Variants in FRMD4A observed in about 807,000 individuals in gnomAD.
The protein encoded by FRMD4A is FERM domain-containing protein 4A.
In FRMD4A, 29 loss-of-function variants were observed where a neutral mutation model predicts 129.1. The ratio of observed to expected loss-of-function variants is 0.22; its 90% confidence interval spans 0.17 to 0.31. FRMD4A has a LOEUF of 0.31. Among genes scored for constraint, FRMD4A ranks in the 10% least tolerant of loss-of-function variants. The pLI, the probability that FRMD4A is intolerant of heterozygous loss-of-function variation, is 1.00. For synonymous variants in FRMD4A, 634 were observed against 571.6 expected (o/e 1.11, Z -1.56); for missense variants, 1,272 against 1,375.8 (o/e 0.92, Z 1.19).
chr10:14,012,404 A>C (rs915583769), intron 2 of FRMD4A, among the ~76,000 whole-genome samples: 8 of 152,230 alleles, frequency 5.3e-5, no homozygotes, highest in African/African-American at 1.9e-4. Flanking sequence ...CCATTGAGCC[A>C]GGTTTCAGGA....
chr10:14,129,276 T>G (rs115366357), intron 2 of FRMD4A, among the ~76,000 whole-genome samples: 1,954 of 150,486 alleles, frequency 0.013, 57 homozygotes, highest in African/African-American at 0.046. Context: ...ACATTTTTTT[T>G]CTTTATTCAT....
At chr10:14,295,964 T>G (rs183108330) in intron 2 of FRMD4A, among the ~76,000 whole-genome samples, 3 of 152,308 alleles carry the variant, frequency 2.0e-5, no homozygotes, top group Non-Finnish European at 2.9e-5. Flanking sequence ...GTTATGACTC[T>G]CTTTGCCTAG....
At chr10:13,845,531 A>G (rs917866400) in intron 3 of FRMD4A, among the ~76,000 whole-genome samples, 6 of 152,218 alleles carry the variant, frequency 3.9e-5, no homozygotes, top group Non-Finnish European at 8.8e-5. Flanking sequence ...TGCTTTCCTC[A>G]AAAGCCAAGG....
At chr10:14,221,926 G>T (rs1363856515) in intron 2 of FRMD4A, among the ~76,000 whole-genome samples, 2 of 152,120 alleles carry the variant, frequency 1.3e-5, no homozygotes, top group African/African-American at 4.8e-5. Context: ...TGAGGCCCCA[G>T]TTTGTTTTTC....
intron 2 of FRMD4A, among the ~76,000 whole-genome samples, chr10:14,250,117 C>T (rs1005798542): frequency 6.6e-5 from 10 of 152,080 alleles, no homozygotes; most frequent in East Asian, 3.9e-4. Context: ...CGTGCTACCA[C>T]GCCTGGCTAA....
At chr10:13,684,543 C>G in intron 15 of FRMD4A, 1 of 985,536 alleles carries the variant, frequency 1.0e-6, no homozygotes, top group Non-Finnish European at 1.2e-6. Flanking sequence ...TCCCGGCCGG[C>G]AGACACATGG....
intron 2 of FRMD4A, among the ~76,000 whole-genome samples, chr10:14,156,114 A>T (rs1840584110): frequency 6.6e-6 from 1 of 152,144 alleles, no homozygotes; most frequent in Non-Finnish European, 1.5e-5. Flanking sequence ...TGTAATGGTT[A>T]AAAAAATGGG....
intron 2 of FRMD4A, among the ~76,000 whole-genome samples, chr10:14,058,562 C>T (rs1032256830): frequency 5.0e-4 from 76 of 152,104 alleles, no homozygotes; most frequent in African/African-American, 1.6e-3. Flanking sequence ...GACCACATTT[C>T]GTAAGAAGGA....
At chr10:13,811,061 A>G (rs1204186797) in intron 3 of FRMD4A, among the ~76,000 whole-genome samples, 153 bp from the exon 4 acceptor site, 1 of 152,094 alleles carries the variant, frequency 6.6e-6, no homozygotes, top group Admixed American at 6.6e-5. Context: ...ACAAATAGAC[A>G]ATGACACTGA....
intron 4 of FRMD4A, among the ~76,000 whole-genome samples, chr10:13,797,842 A>C (rs1428052101): frequency 6.6e-6 from 1 of 152,056 alleles, no homozygotes; most frequent in African/African-American, 2.4e-5. Flanking sequence ...AACCTCCAAC[A>C]AAGGAAAGAG....
chr10:14,025,488 A>C (rs1832948764), intron 2 of FRMD4A, among the ~76,000 whole-genome samples: 1 of 152,194 alleles, frequency 6.6e-6, no homozygotes, highest in Non-Finnish European at 1.5e-5. Flanking sequence ...CCTGGGATGG[A>C]CAAGGGATCA....
chr10:13,679,458 A>AT (rs1243818005), intron 15 of FRMD4A, among the ~76,000 whole-genome samples: 178 of 24,506 alleles, frequency 7.3e-3, no homozygotes, highest in Non-Finnish European at 9.3e-3. Context: ...AAAAAAAAAA[A>AT]AAATATATAT....
chr10:13,909,457 G>A, intron 2 of FRMD4A, among the ~76,000 whole-genome samples: 1 of 152,092 alleles, frequency 6.6e-6, no homozygotes, highest in East Asian at 1.9e-4. Flanking sequence ...CTTTACCTTT[G>A]CAATTGCAAT....
chr10:14,245,317 T>G (rs1844194248), intron 2 of FRMD4A, among the ~76,000 whole-genome samples: 1 of 152,178 alleles, frequency 6.6e-6, no homozygotes, highest in Non-Finnish European at 1.5e-5. Flanking sequence ...TATGGGCAGG[T>G]TATTTGTCCT....
chr10:13,773,626 A>T (rs2092519589), intron 6 of FRMD4A, among the ~76,000 whole-genome samples: 1 of 152,254 alleles, frequency 6.6e-6, no homozygotes, highest in Non-Finnish European at 1.5e-5. Context: ...TGATAAAAAA[A>T]CTAAACAGAC....
chr10:14,043,443 C>T (rs538787487), intron 2 of FRMD4A, among the ~76,000 whole-genome samples: 3 of 152,298 alleles, frequency 2.0e-5, no homozygotes, highest in Admixed American at 1.3e-4. Flanking sequence ...ATTTCACTCC[C>T]TGCCCACTGA....
chr10:13,731,649 C>CAAAAAA, intron 12 of FRMD4A, among the ~76,000 whole-genome samples: 1 of 116,584 alleles, frequency 8.6e-6, no homozygotes, highest in Admixed American at 9.5e-5. Flanking sequence ...GACTTCATCT[C>CAAAAAA]AAAAAAAAAA....
At chr10:13,652,882 G>A (rs1054760057) in intron 23 of FRMD4A, 1 of 152,206 alleles carries the variant, frequency 6.6e-6, no homozygotes, top group Non-Finnish European at 1.5e-5. Flanking sequence ...CAAGATCCCA[G>A]GTGAGGCTCA....
chr10:13,668,716 G>C (rs1050077843), intron 17 of FRMD4A, among the ~76,000 whole-genome samples: 1 of 152,166 alleles, frequency 6.6e-6, no homozygotes, highest in Non-Finnish European at 1.5e-5. Context: ...GGTGTTGGGG[G>C]AACTCCCTAA....
Sources: allele counts gnomAD v4.1 joint callset (sites outside exome capture counted in the v4.1 genomes callset), GRCh38; gene constraint gnomAD v4.1.1; transcripts MANE v1.5; gene names NCBI Gene and HGNC (gene_info 2026-07-23, HGNC 2026-07-21).